The following ARFGEF3 variants were observed in gnomAD, a reference collection of about 807,000 sequenced individuals.
ARFGEF3 encodes brefeldin A-inhibited guanine nucleotide-exchange protein 3.
In ARFGEF3, 96 loss-of-function variants were observed where a neutral mutation model predicts 221.7. The ratio of observed to expected loss-of-function variants is 0.43; its 90% confidence interval spans 0.37 to 0.51. ARFGEF3 has a LOEUF of 0.51. Among genes scored for constraint, ARFGEF3 ranks in the 20% least tolerant of loss-of-function variants. ARFGEF3 has a pLI of 0.00. For synonymous variants in ARFGEF3, 1,145 were observed against 1,126.8 expected, an observed-to-expected ratio of 1.02 and a Z score of -0.32; for missense variants, 2,410 against 2,789.9, an observed-to-expected ratio of 0.86 and a Z score of 3.07.
At chr6:138,181,068 G>A (rs1777070251) in intron 2 of ARFGEF3, among the ~76,000 whole-genome samples, 1 of 152,300 alleles carries the variant, frequency 6.6e-6, no homozygotes, top group Middle Eastern at 3.4e-3. Context: ...TTGTAAGCCA[G>A]TCCTAATGGT....
intron 2 of ARFGEF3, among the ~76,000 whole-genome samples, chr6:138,181,925 G>A (rs1562344812): frequency 6.6e-6 from 1 of 152,180 alleles, no homozygotes; most frequent in African/African-American, 2.4e-5. Context: ...CCCAAATGAT[G>A]GATAGGGACC....
chr6:138,181,918 A>C (rs1332537765), intron 2 of ARFGEF3, among the ~76,000 whole-genome samples: 1 of 152,236 alleles, frequency 6.6e-6, no homozygotes, highest in African/African-American at 2.4e-5. Flanking sequence ...AATGGATCCC[A>C]AATGATGGAT....
At chr6:138,194,878 T>A (rs927751666) in intron 2 of ARFGEF3, among the ~76,000 whole-genome samples, 2 of 151,694 alleles carry the variant, frequency 1.3e-5, no homozygotes, top group Non-Finnish European at 2.9e-5. Flanking sequence ...AAGGATGACA[T>A]TGAGGCCATT....
In ARFGEF3 at chr6:138,239,309, G is replaced by A. The variant is rs113605436; in HGVS notation, c.543+678G>A. Among the ~76,000 whole-genome samples, 54 of 152,238 alleles carry A rather than the reference G, an allele frequency of 3.5e-4. 1 individual carries two copies. Among genetic ancestry groups the A allele is most frequent in the African/African-American group, 1.2e-3 (51 of 41,552 alleles). Reference sequence around the variant, plus strand: ...TTAGATTAAAATCCTTTTGAAATCTGCAAGGAGTGTTCTGAAATGACATTA... The same window carrying A: ...TTAGATTAAAATCCTTTTGAAATCTACAAGGAGTGTTCTGAAATGACATTA... On this transcript the variant is annotated intron_variant, in intron 6 of 33. Coordinates refer to ENST00000251691, the MANE Select transcript of ARFGEF3 (RefSeq NM_020340.5).
At chr6:138,330,761 T>C (rs1039247928) in intron 32 of ARFGEF3, among the ~76,000 whole-genome samples, 1 of 152,202 alleles carries the variant, frequency 6.6e-6, no homozygotes, top group African/African-American at 2.4e-5. Context: ...TAGGTAATAA[T>C]TTTTGGGGTC....
In ARFGEF3 at chr6:138,278,574, G is replaced by A. The variant is rs1377131367; in HGVS notation, c.2252G>A (p.Gly751Asp). 2 of 1,613,948 alleles carry A rather than the reference G, an allele frequency of 1.2e-6. No individual in the cohort carries two copies. Among genetic ancestry groups the A allele is most frequent in the Admixed American group, 3.3e-5 (2 of 60,008 alleles). Residue 751 changes from glycine (G) to aspartate (D), a missense_variant, in exon 13 of 34, where the codon GGT (glycine) becomes GAT (aspartate). Physicochemically the swap from Gly to Asp is moderately conservative, Grantham distance 94. This residue lies in a region of ARFGEF3 where 594 missense variants were observed against 734.3 expected (regional missense o/e 0.81). Coordinates refer to ENST00000251691, the MANE Select transcript of ARFGEF3 (RefSeq NM_020340.5). ...ALLLNLKLSH[G>D]DYYRKRPTLA... ...CTCCTCAACCTGAAGCTCTCCCACG[G>A]TGACTACTACAGGAAGCGGCCGACC...
At chr6:138,262,041 T>G (rs1778806402) in intron 11 of ARFGEF3, among the ~76,000 whole-genome samples, 1 of 152,190 alleles carries the variant, frequency 6.6e-6, no homozygotes, top group Non-Finnish European at 1.5e-5. Flanking sequence ...CCACATTATA[T>G]AACCATTATA....
At chr6:138,313,657 A>T in intron 25 of ARFGEF3, 138 bp from the exon 26 acceptor site, 1 of 720,838 alleles carries the variant, frequency 1.4e-6, no homozygotes, top group Non-Finnish European at 2.3e-6. Flanking sequence ...TATAAATCCA[A>T]ATCACGAATA....
intron 32 of ARFGEF3, among the ~76,000 whole-genome samples, chr6:138,333,644 A>G (rs1233435024): frequency 6.6e-6 from 1 of 151,994 alleles, no homozygotes; most frequent in Non-Finnish European, 1.5e-5. Flanking sequence ...GGGTTTCACC[A>G]TGTTAGCCAG....
In ARFGEF3 at chr6:138,337,571, G is replaced by A. The variant is rs1780351981; in HGVS notation, c.*1085G>A. ...TAATACAACAATCTTGCAAAATTAT[G>A]GTGTCAGTTACACAAGCTCTAGTCT... is the stretch of plus-strand genomic sequence containing the variant. On this transcript the variant is annotated 3_prime_UTR_variant, in exon 34 of 34. Coordinates refer to ENST00000251691, the MANE Select transcript of ARFGEF3 (RefSeq NM_020340.5). 2 of 152,572 alleles carry A rather than the reference G, an allele frequency of 1.3e-5. No homozygotes were observed. Among genetic ancestry groups the A allele is most frequent in the South Asian group, 4.2e-4 (2 of 4,810 alleles). The allele number at this position is 152,572 out of a possible 1,614,324, so 9.5% of individuals were successfully genotyped here.
chr6:138,254,068 G>T, intron 9 of ARFGEF3, 84 bp downstream of exon 9: 1 of 827,120 alleles, frequency 1.2e-6, no homozygotes, highest in Non-Finnish European at 1.8e-6. Flanking sequence ...TCTCCATGAA[G>T]TCCATGACCC....
chr6:138,189,410 G>A (rs1245208515), intron 2 of ARFGEF3, among the ~76,000 whole-genome samples: 2 of 152,288 alleles, frequency 1.3e-5, no homozygotes, highest in African/African-American at 4.8e-5. Flanking sequence ...ACTTGCCCAG[G>A]ATTACCCAGT....
At chr6:138,279,881 A>G in intron 13 of ARFGEF3, 118 bp from the exon 14 acceptor site, 3 of 980,012 alleles carry the variant, frequency 3.1e-6, no homozygotes, top group Non-Finnish European at 4.6e-6. Context: ...CCCTTACCCA[A>G]TACACAAGCC....
At chr6:138,279,970 G>A (rs781405375) in intron 13 of ARFGEF3, 29 bp from the exon 14 acceptor site, 1 of 1,611,264 alleles carries the variant, frequency 6.2e-7, no homozygotes, top group Non-Finnish European at 8.5e-7. Context: ...GGTGTTATGT[G>A]GTCACCTTCT....
chr6:138,309,176 G>T (rs1409641311), intron 24 of ARFGEF3, among the ~76,000 whole-genome samples: 6 of 151,780 alleles, frequency 4.0e-5, no homozygotes, highest in Non-Finnish European at 7.4e-5. Flanking sequence ...AAAGGTTCTC[G>T]GGCTCCAGGT....
At chr6:138,166,039 A>G (rs950978162) in intron 1 of ARFGEF3, among the ~76,000 whole-genome samples, 1 of 152,222 alleles carries the variant, frequency 6.6e-6, no homozygotes, top group Non-Finnish European at 1.5e-5. Flanking sequence ...GCTTCCTGGA[A>G]GTAAAATTAA....
intron 22 of ARFGEF3, among the ~76,000 whole-genome samples, chr6:138,306,953 TA>T (rs71773390): frequency 0.23 from 26,651 of 113,574 alleles, 2,330 homozygotes; most frequent in East Asian, 0.38. Context: ...TAAGGAACTC[TA>T]AAAAAAAAAA....
rs190151923 is a variant in ARFGEF3 at position 138,338,608 on chromosome 6, T to A, written c.*2122T>A. The A allele has an allele frequency of 6.6e-6, 1 of 152,340 alleles. No individual in the cohort carries two copies. The highest frequency in any genetic ancestry group is 6.5e-5 in the Admixed American group (1 of 15,290). 9.4% of individuals were successfully genotyped at this position (152,340 alleles called of 1,614,324 possible). A position where few individuals can be genotyped will look rare whatever the true frequency, so the allele number is the denominator to read the frequency against. ...TGCGGTCAGGAGTTTGAGACCAGGC[T>A]GGACAACATGGTGAAACCTCGTCTC... On this transcript the variant is annotated 3_prime_UTR_variant, in exon 34 of 34. Coordinates refer to ENST00000251691, the MANE Select transcript of ARFGEF3 (RefSeq NM_020340.5).
chr6:138,335,203 C>T lies in ARFGEF3; in HGVS notation c.6342+15C>T. 9 of 1,513,276 alleles carry T rather than the reference C, an allele frequency of 5.9e-6. No homozygotes were observed. Among genetic ancestry groups the T allele is most frequent in the Non-Finnish European group, 7.9e-6 (9 of 1,140,396 alleles). The allele number at this position is 1,513,276 out of a possible 1,614,324, so 93.7% of individuals were successfully genotyped here. A position where few individuals can be genotyped will look rare whatever the true frequency, so the allele number is the denominator to read the frequency against. On this transcript the variant is annotated intron_variant, in intron 33 of 33. Coordinates refer to ENST00000251691, the MANE Select transcript of ARFGEF3 (RefSeq NM_020340.5). ...CACAGATCCAGGTACATCCCTGTGG[C>T]CACAGCAGGTGGGCGGGAGGCTGGG...
Sources: allele counts gnomAD v4.1 joint callset (sites outside exome capture counted in the v4.1 genomes callset), GRCh38; gene constraint gnomAD v4.1.1; regional missense constraint gnomAD v4.1.1; transcripts MANE v1.5; gene names NCBI Gene and HGNC (gene_info 2026-07-23, HGNC 2026-07-21).